Variants in DRC11 observed in about 807,000 individuals in gnomAD.
DRC11 encodes the protein IQ and AAA domain-containing protein 1.
the DRC11 span, chr2:236,497,596 C>A: frequency 1.4e-6 from 1 of 732,562 alleles, no homozygotes; most frequent in Admixed American, 2.9e-5. This position sits in a 1 kb window ranked among gnomAD's most constrained non-coding sequence, Gnocchi z 5.1. Flanking sequence ...CAAGTGTGAG[C>A]TAAGAATATA....
chr2:236,319,312 G>A, the DRC11 span, among the ~76,000 whole-genome samples: 1 of 152,240 alleles, frequency 6.6e-6, no homozygotes, highest in South Asian at 2.1e-4. The surrounding 1 kb of genome is among the most constrained non-coding windows in gnomAD (Gnocchi z 6.7). Context: ...CGATAGCGCA[G>A]GGAGGCAAAG....
the DRC11 span, among the ~76,000 whole-genome samples, chr2:236,394,560 G>A: frequency 1.2e-4 from 18 of 152,194 alleles, no homozygotes; most frequent in African/African-American, 7.2e-5. The surrounding 1 kb of genome is among the most constrained non-coding windows in gnomAD (Gnocchi z 7.0). Context: ...GAATCCAGGA[G>A]GTGGAGGTTG....
At chr2:236,406,186 C>A in the DRC11 span, among the ~76,000 whole-genome samples, 1 of 152,314 alleles carries the variant, frequency 6.6e-6, no homozygotes, top group East Asian at 1.9e-4. This position sits in a 1 kb window ranked among gnomAD's most constrained non-coding sequence, Gnocchi z 4.7. Context: ...CAAATGTTTC[C>A]AGAAGAGGCT....
At chr2:236,362,521 G>A in the DRC11 span, among the ~76,000 whole-genome samples, 1 of 152,114 alleles carries the variant, frequency 6.6e-6, no homozygotes, top group African/African-American at 2.4e-5. This position sits in a 1 kb window ranked among gnomAD's most constrained non-coding sequence, Gnocchi z 5.7. Context: ...TAAGAATACA[G>A]TGTATAATAC....
the DRC11 span, chr2:236,364,039 C>T: frequency 6.9e-7 from 1 of 1,451,102 alleles, no homozygotes; most frequent in East Asian, 2.3e-5. Context: ...GGTTCTTCAA[C>T]TAGGATAACT....
the DRC11 span, chr2:236,367,546 C>A: frequency 6.6e-6 from 1 of 151,932 alleles, no homozygotes; most frequent in Admixed American, 6.5e-5. The surrounding 1 kb of genome is among the most constrained non-coding windows in gnomAD (Gnocchi z 4.8). Flanking sequence ...GCTGGAGTTG[C>A]CATCCCTGCC....
the DRC11 span, among the ~76,000 whole-genome samples, chr2:236,477,891 A>C: frequency 5.3e-5 from 8 of 152,026 alleles, no homozygotes; most frequent in African/African-American, 1.9e-4. Flanking sequence ...GTCTCCTCTT[A>C]AATGTCTGAT....
chr2:236,440,852 G>A, the DRC11 span, among the ~76,000 whole-genome samples: 1 of 149,536 alleles, frequency 6.7e-6, no homozygotes, highest in Admixed American at 6.6e-5. Context: ...GGTAAGACGG[G>A]AAAAAAAAAT....
the DRC11 span, among the ~76,000 whole-genome samples, chr2:236,355,747 C>G: frequency 2.2e-4 from 23 of 106,396 alleles, no homozygotes; most frequent in African/African-American, 7.2e-4. Context: ...CTCTCTCTCT[C>G]TCTGTGTGTG....
the DRC11 span, among the ~76,000 whole-genome samples, chr2:236,479,465 T>C: frequency 6.6e-6 from 1 of 152,208 alleles, no homozygotes; most frequent in African/African-American, 2.4e-5. This position sits in a 1 kb window ranked among gnomAD's most constrained non-coding sequence, Gnocchi z 4.1. Flanking sequence ...TGGCAATATA[T>C]TTTAATTAAT....
the DRC11 span, among the ~76,000 whole-genome samples, chr2:236,363,190 T>C: frequency 6.6e-6 from 1 of 152,224 alleles, no homozygotes; most frequent in South Asian, 2.1e-4. This position sits in a 1 kb window ranked among gnomAD's most constrained non-coding sequence, Gnocchi z 5.6. Context: ...TGATACTAAA[T>C]ATAAAATATC....
chr2:236,497,568 C>A, the DRC11 span: 2 of 905,070 alleles, frequency 2.2e-6, no homozygotes, highest in Non-Finnish European at 3.3e-6. The surrounding 1 kb of genome is among the most constrained non-coding windows in gnomAD (Gnocchi z 5.1). Flanking sequence ...TCTGGTATAG[C>A]AAAATATAAC....
At chr2:236,351,054 G>T in the DRC11 span, among the ~76,000 whole-genome samples, 1 of 152,238 alleles carries the variant, frequency 6.6e-6, no homozygotes, top group Non-Finnish European at 1.5e-5. This position sits in a 1 kb window ranked among gnomAD's most constrained non-coding sequence, Gnocchi z 7.3. Flanking sequence ...CTGCCATGGG[G>T]AAGAAAGGCA....
the DRC11 span, among the ~76,000 whole-genome samples, chr2:236,475,451 T>C: frequency 6.6e-6 from 1 of 152,208 alleles, no homozygotes; most frequent in African/African-American, 2.4e-5. The surrounding 1 kb of genome is among the most constrained non-coding windows in gnomAD (Gnocchi z 4.8). Context: ...CAAGTGCAGA[T>C]ATCTCTTCAA....
At chr2:236,506,507 A>G in the DRC11 span, among the ~76,000 whole-genome samples, 1 of 152,200 alleles carries the variant, frequency 6.6e-6, no homozygotes, top group African/African-American at 2.4e-5. The surrounding 1 kb of genome is among the most constrained non-coding windows in gnomAD (Gnocchi z 4.9). Context: ...CCTAGAATAC[A>G]GGGCACGTAA....
At chr2:236,370,221 C>T in the DRC11 span, among the ~76,000 whole-genome samples, 5 of 152,152 alleles carry the variant, frequency 3.3e-5, no homozygotes, top group Admixed American at 6.5e-5. The surrounding 1 kb of genome is among the most constrained non-coding windows in gnomAD (Gnocchi z 5.5). Flanking sequence ...CAAGCATCAC[C>T]GAAGATCGCC....
chr2:236,487,607 T>C, the DRC11 span, among the ~76,000 whole-genome samples: 1 of 152,196 alleles, frequency 6.6e-6, no homozygotes, highest in Non-Finnish European at 1.5e-5. Context: ...TGGTTATTAG[T>C]GATGGCTGCT....
the DRC11 span, among the ~76,000 whole-genome samples, chr2:236,461,903 G>T: frequency 1.3e-5 from 2 of 152,250 alleles, no homozygotes; most frequent in South Asian, 4.1e-4. The surrounding 1 kb of genome is among the most constrained non-coding windows in gnomAD (Gnocchi z 4.0). Context: ...AGGAACCTGG[G>T]AGGGAACAGT....
At chr2:236,416,763 AT>A in the DRC11 span, among the ~76,000 whole-genome samples, 97 of 98,410 alleles carry the variant, frequency 9.9e-4, 1 homozygote, top group South Asian at 3.6e-3. Context: ...ATATATATAT[AT>A]ATATAAATAA....
Sources: gnomAD v4.1 joint callset for allele counts (sites outside exome capture counted in the v4.1 genomes callset) on GRCh38, gnomAD v4.1.1 for gene constraint, Gnocchi (gnomAD v3.1) non-coding constraint, MANE v1.5 for transcripts, NCBI Gene and HGNC (gene_info 2026-07-23, HGNC 2026-07-21) for gene names.